ROPN1L: variants seen among roughly 807,000 people sequenced by gnomAD.
ROPN1L encodes the protein rhophilin associated tail protein 1 like.
A neutral mutation model predicts 22.7 loss-of-function variants in ROPN1L; 23 were observed. That is an observed-to-expected ratio of 1.01 (90% CI 0.73 to 1.43). The LOEUF (loss-of-function observed/expected upper bound fraction) is 1.43, where lower values mean the gene tolerates loss of function less well. Ranked by LOEUF, ROPN1L falls within the 40% of genes most tolerant of loss-of-function variation. The probability of loss-of-function intolerance (pLI) is 0.00; values close to 1 mark genes in which losing one functional copy is unlikely to be tolerated. For synonymous variants in ROPN1L, 116 were observed against 117.8 expected, an observed-to-expected ratio of 0.98 and a Z score of 0.10; for missense variants, 271 against 291.5, an observed-to-expected ratio of 0.93 and a Z score of 0.51.
intron 3 of ROPN1L, 41 bp from the exon 4 acceptor site, chr5:10,461,143 G>T: frequency 6.3e-7 from 1 of 1,576,266 alleles, no homozygotes; most frequent in South Asian, 1.1e-5. Flanking sequence ...GTGATGCCAG[G>T]AGTAACTGTT....
In ROPN1L at chr5:10,448,493, T is replaced by C. The variant is rs1741151854; in HGVS notation, c.255+110T>C. ...ACACCCCAGCAATGTATTTCAAACCTCCTGAGGTCCCTGAAATCCTGCTTT... is the reference window on the plus strand; with the variant it reads ...ACACCCCAGCAATGTATTTCAAACCCCCTGAGGTCCCTGAAATCCTGCTTT... On this transcript the variant is annotated intron_variant, in intron 2 of 4. Coordinates refer to ENST00000274134, the MANE Select transcript of ROPN1L (RefSeq NM_031916.5). The C allele has an allele frequency of 1.0e-5, 13 of 1,243,396 alleles. No homozygotes were observed. In the South Asian group the frequency reaches 1.8e-4, roughly 18 times the overall value. 77.0% of individuals were successfully genotyped at this position (1,243,396 alleles called of 1,614,324 possible).
downstream of ROPN1L, among the ~76,000 whole-genome samples, chr5:10,468,061 G>A (rs532569875): frequency 2.0e-5 from 3 of 152,216 alleles, no homozygotes; most frequent in Non-Finnish European, 4.4e-5. Context: ...TTAACGCTCT[G>A]TCCCTGTCCC....
chr5:10,460,679 C>T (rs370450239), intron 3 of ROPN1L, among the ~76,000 whole-genome samples: 75 of 152,290 alleles, frequency 4.9e-4, no homozygotes, highest in African/African-American at 1.7e-3. Context: ...GGACAGAGCC[C>T]GGACAGAGCC....
intron 1 of ROPN1L, among the ~76,000 whole-genome samples, chr5:10,447,059 G>C (rs944494765): frequency 1.3e-5 from 2 of 152,218 alleles, no homozygotes; most frequent in Non-Finnish European, 2.9e-5. Flanking sequence ...TAGTCTATCA[G>C]ATATCGACTT....
At chr5:10,472,605 T>A (rs1735266803), downstream of ROPN1L, among the ~76,000 whole-genome samples, 2 of 152,224 alleles carry the variant, frequency 1.3e-5, no homozygotes, top group African/African-American at 4.8e-5. Flanking sequence ...TGTTAGCTAC[T>A]GATAATCTCA....
the ROPN1L span, among the ~76,000 whole-genome samples, chr5:10,480,490 C>G: frequency 6.6e-6 from 1 of 151,860 alleles, no homozygotes; most frequent in African/African-American, 2.4e-5. Flanking sequence ...TGAACAGATG[C>G]ACACATTGGA....
intron 1 of ROPN1L, 63 bp from the exon 2 acceptor site, chr5:10,448,197 A>T (rs1741134110): frequency 6.3e-7 from 1 of 1,595,116 alleles, no homozygotes. Flanking sequence ...TATTTAAGAA[A>T]TTGGATCGCA....
intron 1 of ROPN1L, among the ~76,000 whole-genome samples, chr5:10,447,572 C>G (rs187121707): frequency 6.6e-6 from 1 of 152,290 alleles, no homozygotes; most frequent in African/African-American, 2.4e-5. Context: ...AAGACCAAAC[C>G]CACCTGTCAA....
chr5:10,459,042 A>G (rs1186608740), intron 3 of ROPN1L, among the ~76,000 whole-genome samples: 1 of 148,932 alleles, frequency 6.7e-6, no homozygotes, highest in Non-Finnish European at 1.5e-5. Flanking sequence ...CCTACTAAGT[A>G]GCCACCTGAG....
intron 2 of ROPN1L, among the ~76,000 whole-genome samples, chr5:10,448,972 G>T (rs954787908): frequency 1.3e-5 from 2 of 152,216 alleles, no homozygotes; most frequent in Non-Finnish European, 2.9e-5. Context: ...TCATGACTCG[G>T]TTCTTTTGCT....
chr5:10,459,836 C>A (rs1734981191), intron 3 of ROPN1L, among the ~76,000 whole-genome samples: 1 of 152,240 alleles, frequency 6.6e-6, no homozygotes, highest in Admixed American at 6.5e-5. Flanking sequence ...TGACTGTGAT[C>A]TCCACATGAG....
At chr5:10,452,287 ATGTGTGTGTGTGTG>A (rs762971211) in intron 3 of ROPN1L, among the ~76,000 whole-genome samples, 1 of 142,452 alleles carries the variant, frequency 7.0e-6, no homozygotes, top group African/African-American at 2.7e-5. Flanking sequence ...CCTAAAGTAT[ATGTGTGTGTGTGTG>A]TGTGTGTGTG....
chr5:10,461,452 C>T, intron 4 of ROPN1L, 93 bp downstream of exon 4: 1 of 1,076,620 alleles, frequency 9.3e-7, no homozygotes, highest in South Asian at 1.4e-5. Flanking sequence ...TCAGTTTTTC[C>T]TTTGCTCTCT....
intron 3 of ROPN1L, among the ~76,000 whole-genome samples, 175 bp downstream of exon 3, chr5:10,450,288 T>C (rs1466227935): frequency 6.6e-6 from 1 of 152,226 alleles, no homozygotes; most frequent in African/African-American, 2.4e-5. Flanking sequence ...TATTTTAATT[T>C]ACAGAAATTA....
At chr5:10,466,393 G>A (rs1284833460), downstream of ROPN1L, among the ~76,000 whole-genome samples, 3 of 152,130 alleles carry the variant, frequency 2.0e-5, no homozygotes, top group South Asian at 4.1e-4. Flanking sequence ...GGCTGCCCAC[G>A]TTTACCAAGA....
downstream of ROPN1L, among the ~76,000 whole-genome samples, chr5:10,467,274 GAA>G (rs199945150): frequency 7.7e-6 from 1 of 129,350 alleles, no homozygotes. Context: ...AATGTAAATA[GAA>G]AAAAAAAAAA....
chr5:10,471,220 C>A (rs1360211089), intron 4 of ROPN1L, among the ~76,000 whole-genome samples: 1 of 152,210 alleles, frequency 6.6e-6, no homozygotes, highest in Non-Finnish European at 1.5e-5. Context: ...TCACCTCAAC[C>A]TCTGTCTCCC....
chr5:10,463,888 C>T (rs753635491), intron 4 of ROPN1L, among the ~76,000 whole-genome samples: 112 of 152,298 alleles, frequency 7.4e-4, no homozygotes, highest in African/African-American at 2.1e-3. Context: ...CACCCCTGCT[C>T]GCCTCAGCCT....
intron 3 of ROPN1L, among the ~76,000 whole-genome samples, chr5:10,450,909 G>A (rs1483234513): frequency 2.0e-5 from 3 of 152,162 alleles, no homozygotes; most frequent in Non-Finnish European, 2.9e-5. Flanking sequence ...GTGACGAGGC[G>A]AGCCTGGGAG....
Sources: gnomAD v4.1 joint callset for allele counts (sites outside exome capture counted in the v4.1 genomes callset) on GRCh38, gnomAD v4.1.1 for gene constraint, MANE v1.5 for transcripts, NCBI Gene and HGNC (gene_info 2026-07-23, HGNC 2026-07-21) for gene names.